ST7: variants seen among roughly 807,000 people sequenced by gnomAD.
ST7 encodes the protein suppressor of tumorigenicity 7 protein.
ST7 carries 28 observed loss-of-function variants against 78.7 expected under a neutral mutation model. That is an observed-to-expected ratio of 0.36 (90% CI 0.26 to 0.49). ST7 has a LOEUF of 0.49. ST7 is among the 20% of genes least tolerant of loss of function. ST7 has a pLI of 0.99. For synonymous variants in ST7, 247 were observed against 249.6 expected (o/e 0.99, Z 0.10); for missense variants, 418 against 696.0 (o/e 0.60, Z 4.49).
At chr7:116,957,480 G>A (rs1314246872) in intron 1 of ST7, among the ~76,000 whole-genome samples, 1 of 152,060 alleles carries the variant, frequency 6.6e-6, no homozygotes, top group Non-Finnish European at 1.5e-5. Context: ...CTACAGGTGT[G>A]TGCCACCATG....
At chr7:117,077,030 C>G (rs1162313866) in intron 1 of ST7, among the ~76,000 whole-genome samples, 1 of 152,056 alleles carries the variant, frequency 6.6e-6, no homozygotes, top group African/African-American at 2.4e-5. Flanking sequence ...GAAAGGGGAG[C>G]TGAAAAGGGG....
chr7:117,039,871 C>T (rs939174561), intron 1 of ST7, among the ~76,000 whole-genome samples: 12 of 152,170 alleles, frequency 7.9e-5, no homozygotes, highest in African/African-American at 2.9e-4. Flanking sequence ...AGTCGCAAAT[C>T]AGACTCTCTT....
intron 1 of ST7, among the ~76,000 whole-genome samples, chr7:117,077,909 T>C (rs934838193): frequency 6.6e-6 from 1 of 151,428 alleles, no homozygotes; most frequent in Non-Finnish European, 1.5e-5. Flanking sequence ...GTGATATTGA[T>C]TGCTAAGAAC....
At chr7:117,169,104 A>G (rs193557) in intron 9 of ST7, among the ~76,000 whole-genome samples, 12,668 of 149,722 alleles carry the variant, frequency 0.085, 857 homozygotes, top group East Asian at 0.2. Context: ...TTCTTTTAAG[A>G]TAAGATTTTA....
At chr7:117,109,607 A>G (rs533846091) in intron 2 of ST7, among the ~76,000 whole-genome samples, 1 of 152,344 alleles carries the variant, frequency 6.6e-6, no homozygotes, top group South Asian at 2.1e-4. Flanking sequence ...GCTGAATTCT[A>G]TCAGACATTC....
At chr7:117,009,903 C>T (rs1795319049) in intron 1 of ST7, among the ~76,000 whole-genome samples, 1 of 152,174 alleles carries the variant, frequency 6.6e-6, no homozygotes, top group Non-Finnish European at 1.5e-5. Context: ...CTGTGCTTTG[C>T]AGCCACTGAG....
chr7:116,983,163 G>A (rs984104938), intron 1 of ST7, among the ~76,000 whole-genome samples: 10 of 152,180 alleles, frequency 6.6e-5, no homozygotes, highest in Non-Finnish European at 8.8e-5. Context: ...CTCCCAAAGT[G>A]CTGGGATTAC....
intron 1 of ST7, among the ~76,000 whole-genome samples, chr7:116,999,755 G>A (rs1405950193): frequency 3.3e-5 from 5 of 150,752 alleles, no homozygotes; most frequent in Non-Finnish European, 7.4e-5. Flanking sequence ...AAATAACTTG[G>A]TCTACTGTTG....
intron 14 of ST7, among the ~76,000 whole-genome samples, chr7:117,220,797 G>A (rs1793031037): frequency 6.6e-6 from 1 of 152,190 alleles, no homozygotes; most frequent in African/African-American, 2.4e-5. Context: ...CTTGTTCCGT[G>A]TGTTTGAATC....
chr7:117,116,070 G>T (rs1244999362), intron 2 of ST7, among the ~76,000 whole-genome samples: 5 of 152,100 alleles, frequency 3.3e-5, no homozygotes, highest in African/African-American at 4.8e-5. Context: ...GTTTAAAGGG[G>T]TTTTGCCTTT....
rs376240267 is a variant in ST7, at chr7:116,953,670, A to G, written c.130A>G (p.Ile44Val). The change falls in exon 1 of 16, where the codon ATC (isoleucine) becomes GTC (valine). Residue 44 changes from isoleucine (I) to valine (V), a missense_variant. Physicochemically the swap from Ile to Val is conservative, Grantham distance 29 (BLOSUM62 3). Coordinates refer to ENST00000323984, the MANE Select transcript of ST7 (RefSeq NM_001369598.1). ...CTACATCCTGCGGGTGCCTTTGAAA[A>G]TCAACGACAACTTGAGCACAGGTAA... The part of the protein sequence containing the change: ...LVYILRVPLK[I>V]NDNLSTVSMF... 55 of 1,496,882 alleles carry G rather than the reference A, an allele frequency of 3.7e-5. No individual in the cohort carries two copies. The highest frequency in any genetic ancestry group is 4.9e-5 in the Non-Finnish European group (54 of 1,109,924). 92.7% of individuals were successfully genotyped at this position (1,496,882 alleles called of 1,614,324 possible).
intron 1 of ST7, among the ~76,000 whole-genome samples, chr7:116,985,170 AG>A (rs1259060241): frequency 1.3e-5 from 2 of 152,206 alleles, no homozygotes; most frequent in African/African-American, 4.8e-5. Flanking sequence ...AATTTAGGGT[AG>A]GATTTGATGA....
intron 1 of ST7, among the ~76,000 whole-genome samples, chr7:117,082,024 C>T (rs941094162): frequency 3.9e-5 from 6 of 152,246 alleles, no homozygotes; most frequent in Non-Finnish European, 5.9e-5. Flanking sequence ...TAAGCTGAAG[C>T]GGCTGTCTGC....
In ST7 at chr7:117,097,904, ATATATTT is replaced by A. The variant is rs1424930974; in HGVS notation, c.152-1856_152-1850del. Among the ~76,000 whole-genome samples, 32 of 33,698 alleles carry A rather than the reference ATATATTT, an allele frequency of 9.5e-4. 2 individuals carry two copies. Among genetic ancestry groups the A allele is most frequent in the East Asian group, 4.8e-3 (4 of 838 alleles). The allele number at this position is 33,698 out of a possible 152,430, so 22.1% of individuals were successfully genotyped here. A position where few individuals can be genotyped will look rare whatever the true frequency, so the allele number is the denominator to read the frequency against. On this transcript the variant is annotated intron_variant, in intron 1 of 15. Transcript: ENST00000323984. ...ACTATATATATATATATATATATAT[ATATATTT>A]TTTTTTTTTTTTTTTTTGATGGCCA...
At chr7:116,989,280 T>C (rs1446805018) in intron 1 of ST7, among the ~76,000 whole-genome samples, 2 of 152,222 alleles carry the variant, frequency 1.3e-5, no homozygotes, top group Admixed American at 1.3e-4. Context: ...AGTAGCCATA[T>C]GTAGCTCGTG....
chr7:117,040,284 A>G (rs749975490), intron 1 of ST7, among the ~76,000 whole-genome samples: 1 of 152,142 alleles, frequency 6.6e-6, no homozygotes, highest in Non-Finnish European at 1.5e-5. Flanking sequence ...AGGCAGGAGA[A>G]TTGCTTGAAA....
chr7:117,222,083 A>G (rs1563180647), intron 15 of ST7, 21 bp downstream of exon 15: 1 of 1,594,658 alleles, frequency 6.3e-7, no homozygotes, highest in South Asian at 1.1e-5. Context: ...GCCTAGAGGG[A>G]GGCCTTGGGG....
intron 1 of ST7, among the ~76,000 whole-genome samples, chr7:117,067,139 T>G (rs1052153248): frequency 3.9e-5 from 6 of 152,124 alleles, no homozygotes; most frequent in African/African-American, 1.4e-4. Flanking sequence ...TATCCCTTCT[T>G]CACTTGGTGA....
chr7:117,229,625 A>C (rs753702966), intron 15 of ST7, 137 bp from the exon 16 acceptor site: 5 of 722,116 alleles, frequency 6.9e-6, no homozygotes, highest in Non-Finnish European at 1.2e-5. Context: ...GTTTCCTGTA[A>C]ACATAAAGAT....
Sources: gnomAD v4.1 joint callset for allele counts (sites outside exome capture counted in the v4.1 genomes callset) on GRCh38, gnomAD v4.1.1 for gene constraint, MANE v1.5 for transcripts, NCBI Gene and HGNC (gene_info 2026-07-23, HGNC 2026-07-21) for gene names.